PRKDC: variants seen among roughly 807,000 people sequenced by gnomAD.
PRKDC encodes the protein DNA-dependent protein kinase catalytic subunit.
In PRKDC, 82 loss-of-function variants were observed where a neutral mutation model predicts 486.9. That is an observed-to-expected ratio of 0.17 (90% CI 0.14 to 0.20). The LOEUF is 0.20. Ranked by LOEUF, PRKDC falls within the 10% of genes least tolerant of loss-of-function variation. The probability of loss-of-function intolerance (pLI) is 1.00; values close to 1 mark genes in which losing one functional copy is unlikely to be tolerated. For synonymous variants in PRKDC, 1,895 were observed against 1,837.0 expected (o/e 1.03, Z -0.81); for missense variants, 4,504 against 5,038.2 (o/e 0.89, Z 3.21).
intron 21 of PRKDC, among the ~76,000 whole-genome samples, chr8:47,921,303 T>C (rs2090066622): frequency 6.6e-6 from 1 of 152,094 alleles, no homozygotes. Flanking sequence ...TATGTCCAAC[T>C]AAATTGAATC....
chr8:47,947,415 G>A (rs2090552517), intron 7 of PRKDC, among the ~76,000 whole-genome samples: 4 of 152,168 alleles, frequency 2.6e-5, no homozygotes, highest in African/African-American at 4.8e-5. Context: ...GCTCATGATG[G>A]TAGGAACTTG....
At chr8:47,912,052 T>A (rs1009187137) in intron 25 of PRKDC, among the ~76,000 whole-genome samples, 3 of 152,154 alleles carry the variant, frequency 2.0e-5, no homozygotes, top group Admixed American at 2.0e-4. Context: ...ATTACAGATG[T>A]GAGCCACCGC....
chr8:47,891,190 C>T (rs2154501883), intron 31 of PRKDC, among the ~76,000 whole-genome samples: 1 of 152,288 alleles, frequency 6.6e-6, no homozygotes, highest in South Asian at 2.1e-4. Flanking sequence ...TAGTTTATTA[C>T]TCCAAGGTGC....
chr8:47,852,489 G>T lies in PRKDC; in HGVS notation c.7005+184C>A, dbSNP rs559283097. Among the ~76,000 whole-genome samples, 28 of 152,244 alleles carry T rather than the reference G, an allele frequency of 1.8e-4. 1 individual carries two copies. Among genetic ancestry groups the T allele is most frequent in the Middle Eastern group, 3.4e-3 (1 of 294 alleles). On this transcript the variant is annotated intron_variant, in intron 52 of 85. Coordinates refer to ENST00000314191, the MANE Select transcript of PRKDC (RefSeq NM_006904.7). ...TTTCCAAGGTGTTTAAAAATCATGT[G>T]CCCTCTCTAAAAAACTGAGTATTAT...
chr8:47,923,984 T>G (rs2090116106), intron 21 of PRKDC, among the ~76,000 whole-genome samples: 1 of 152,040 alleles, frequency 6.6e-6, no homozygotes, highest in African/African-American at 2.4e-5. Context: ...CACCAAACAA[T>G]CAAACAAAAA....
In PRKDC at chr8:47,953,638, T is replaced by C; in HGVS notation, c.703A>G (p.Thr235Ala). 6.2e-7 allele frequency: 1 copy of C among 1,613,204 alleles called. No individual in the cohort carries two copies. The highest frequency in any genetic ancestry group is 8.5e-7 in the Non-Finnish European group (1 of 1,179,546). The change falls in exon 7 of 86, where the codon ACT (threonine) becomes GCT (alanine). Residue 235 changes from threonine (T) to alanine (A), a missense_variant. Coordinates refer to ENST00000314191, the MANE Select transcript of PRKDC (RefSeq NM_006904.7). ...GCAATACCTTCTTCCATGGACTTAG[T>C]GAAGTTGCACAGAAGTGAGGACAAC... Reference protein sequence around the residue: ...KGLSSLLCNFTKSMEEDPQTS... With the variant: ...KGLSSLLCNFAKSMEEDPQTS...
At chr8:47,882,496 C>G (rs2089241702) in intron 36 of PRKDC, among the ~76,000 whole-genome samples, 1 of 152,200 alleles carries the variant, frequency 6.6e-6, no homozygotes, top group Non-Finnish European at 1.5e-5. Flanking sequence ...ACTGTACATG[C>G]ATGCACAAGC....
At chr8:47,928,987 G>T in intron 19 of PRKDC, 105 bp downstream of exon 19, 1 of 960,222 alleles carries the variant, frequency 1.0e-6, no homozygotes, top group South Asian at 1.5e-5. Flanking sequence ...ACCGCACCCA[G>T]CCCCAATTCT....
At chr8:47,817,410 A>G in intron 68 of PRKDC, 40 bp downstream of exon 68, 1 of 1,391,988 alleles carries the variant, frequency 7.2e-7, no homozygotes, top group South Asian at 1.3e-5. Flanking sequence ...AACAATTTCA[A>G]AAAACAATCC....
chr8:47,885,407 C>A (rs2089304941), intron 36 of PRKDC, among the ~76,000 whole-genome samples: 1 of 152,024 alleles, frequency 6.6e-6, no homozygotes, highest in Admixed American at 6.5e-5. Flanking sequence ...CTCACCTCCA[C>A]CTCCCAAAGT....
chr8:47,955,354 T>G (rs1254980170), intron 4 of PRKDC, among the ~76,000 whole-genome samples: 1 of 136,306 alleles, frequency 7.3e-6, no homozygotes, highest in South Asian at 2.3e-4. Context: ...CCCAGCTACT[T>G]GGGAGGCTGA....
At chr8:47,900,587 T>G (rs145553159) in intron 27 of PRKDC, 120 bp from the exon 28 acceptor site, 6 of 876,580 alleles carry the variant, frequency 6.8e-6, no homozygotes, top group Non-Finnish European at 8.4e-6. Flanking sequence ...TGTGGCCGGG[T>G]GCGGTGGCTC....
chr8:47,956,188 C>T (rs1199672333), intron 3 of PRKDC, among the ~76,000 whole-genome samples: 1 of 152,034 alleles, frequency 6.6e-6, no homozygotes, highest in Admixed American at 6.6e-5. Flanking sequence ...ATGGTGAAAC[C>T]CTATCTCTAC....
In PRKDC at chr8:47,830,678, T is replaced by C; in HGVS notation, c.8324A>G (p.Tyr2775Cys). The C allele has an allele frequency of 4.3e-6, 7 of 1,613,932 alleles. No individual in the cohort carries two copies. Among genetic ancestry groups the C allele is most frequent in the Non-Finnish European group, 5.9e-6 (7 of 1,179,868 alleles). Residue 2775 changes from tyrosine to cysteine, a missense_variant, in exon 61 of 86, where the codon TAC (tyrosine) becomes TGC (cysteine). Tyr to Cys is a radical substitution (Grantham distance 194, BLOSUM62 -2). Around this residue, in one of 6 missense-constraint regions of PRKDC, gnomAD observed 1,592 missense variants for 1,724.6 expected, o/e 0.92. Transcript: ENST00000314191. ...QDAQVVLYRS[Y>C]RHGDLPDIQI... ...AATGTCAGGAAGGTCTCCGTGCCGG[T>C]AGCTTCTGTACAGAACGACCTGGGC...
chr8:47,803,819 G>A (rs946521278), intron 69 of PRKDC, among the ~76,000 whole-genome samples: 6 of 151,834 alleles, frequency 4.0e-5, no homozygotes, highest in African/African-American at 1.5e-4. Flanking sequence ...ACCATGGCAC[G>A]TGCCTATAGT....
At chr8:47,939,499 T>G in intron 11 of PRKDC, 52 bp downstream of exon 11, 1 of 1,568,498 alleles carries the variant, frequency 6.4e-7, no homozygotes, top group Non-Finnish European at 8.7e-7. Flanking sequence ...TTAGATTCCT[T>G]TAAACAATCA....
intron 27 of PRKDC, among the ~76,000 whole-genome samples, chr8:47,900,697 A>C (rs894702427): frequency 6.6e-6 from 1 of 151,932 alleles, no homozygotes; most frequent in African/African-American, 2.4e-5. Context: ...AAAATACAAA[A>C]AATTAGCTGG....
chr8:47,952,876 A>G (rs2090648336), intron 7 of PRKDC, among the ~76,000 whole-genome samples: 1 of 151,958 alleles, frequency 6.6e-6, no homozygotes, highest in South Asian at 2.1e-4. Flanking sequence ...GCGGTGGCTC[A>G]TGCCTGTAAT....
At position 47,939,636 on chromosome 8, in the gene PRKDC, T is replaced by C. The variant is rs751392294; in HGVS notation, c.1028A>G (p.Glu343Gly). The change falls in exon 11 of 86, where the codon GAG (glutamate) becomes GGG (glycine). Residue 343 changes from glutamate to glycine, a missense_variant. Physicochemically the swap from Glu to Gly is moderately conservative, Grantham distance 98. Transcript: ENST00000314191. ...ATTTCTGATGATTCCATAAAACTGC[T>C]CCATAAAGTACTGCAGTTTATTTTT... ...MHKNKLQYFM[E>G]QFYGIIRNVD... 3 of 1,613,138 alleles carry C rather than the reference T, an allele frequency of 1.9e-6. No individual in the cohort carries two copies.
Sources: gnomAD v4.1 joint callset for allele counts (sites outside exome capture counted in the v4.1 genomes callset) on GRCh38, gnomAD v4.1.1 for gene constraint, gnomAD v4.1.1 regional missense constraint, MANE v1.5 for transcripts, NCBI Gene and HGNC (gene_info 2026-07-23, HGNC 2026-07-21) for gene names.